GRIN2A: variants seen among roughly 807,000 people sequenced by gnomAD.
The protein encoded by GRIN2A is glutamate receptor ionotropic, NMDA 2A.
GRIN2A carries 22 observed loss-of-function variants against 113.4 expected under a neutral mutation model. The observed-to-expected ratio is 0.19, with a 90% confidence interval of 0.14 to 0.28. The LOEUF (loss-of-function observed/expected upper bound fraction) is 0.28. Ranked by LOEUF, GRIN2A falls within the 10% of genes least tolerant of loss-of-function variation. The probability of loss-of-function intolerance (pLI) is 1.00; values close to 1 mark genes in which losing one functional copy is unlikely to be tolerated. For synonymous variants in GRIN2A, 827 were observed against 738.4 expected (o/e 1.12, Z -1.94); for missense variants, 1,502 against 1,887.0 (o/e 0.80, Z 3.78).
intron 4 of GRIN2A, among the ~76,000 whole-genome samples, chr16:9,857,363 A>G (rs1596504271): frequency 6.6e-6 from 1 of 152,244 alleles, no homozygotes; most frequent in African/African-American, 2.4e-5. Context: ...GGTGTTAATA[A>G]TCAGAGAAAC....
At chr16:9,899,913 AT>A (rs1352447276) in intron 3 of GRIN2A, among the ~76,000 whole-genome samples, 3 of 152,218 alleles carry the variant, frequency 2.0e-5, no homozygotes, top group Admixed American at 6.5e-5. Context: ...TTAGAATTCA[AT>A]TTTGTGGCTT....
At chr16:9,821,521 G>A (rs1202297618) in intron 10 of GRIN2A, among the ~76,000 whole-genome samples, 1 of 152,156 alleles carries the variant, frequency 6.6e-6, no homozygotes, top group Non-Finnish European at 1.5e-5. Flanking sequence ...CCATGGAATA[G>A]AATCTAACCT....
chr16:9,844,682 A>C (rs2042741184), intron 5 of GRIN2A, among the ~76,000 whole-genome samples: 1 of 152,194 alleles, frequency 6.6e-6, no homozygotes, highest in Non-Finnish European at 1.5e-5. Context: ...AGCTGTGTCC[A>C]GGTCCTGGGT....
chr16:10,136,601 T>A (rs539438455), intron 2 of GRIN2A, among the ~76,000 whole-genome samples: 55 of 152,374 alleles, frequency 3.6e-4, no homozygotes, highest in Non-Finnish European at 6.9e-4. Flanking sequence ...TATTTTGCTC[T>A]GCATATTCTA....
At chr16:9,798,554 C>T in intron 10 of GRIN2A, 90 bp from the exon 11 acceptor site, 1 of 893,960 alleles carries the variant, frequency 1.1e-6, no homozygotes, top group Non-Finnish European at 1.8e-6. Context: ...AAGCATCCCA[C>T]ACTTTCTTTC....
At chr16:10,075,720 C>T (rs1567280658) in intron 2 of GRIN2A, among the ~76,000 whole-genome samples, 1 of 152,166 alleles carries the variant, frequency 6.6e-6, no homozygotes, top group Non-Finnish European at 1.5e-5. Flanking sequence ...CTTTGACTAA[C>T]ACATTCTGTA....
intron 3 of GRIN2A, among the ~76,000 whole-genome samples, chr16:9,895,018 A>G (rs1041281813): frequency 1.3e-5 from 2 of 152,188 alleles, no homozygotes; most frequent in African/African-American, 4.8e-5. Flanking sequence ...TCCATTAGGC[A>G]TGTTTGAGCA....
chr16:10,055,225 C>A (rs1439900386), intron 2 of GRIN2A, among the ~76,000 whole-genome samples: 1 of 151,486 alleles, frequency 6.6e-6, no homozygotes, highest in Non-Finnish European at 1.5e-5. Flanking sequence ...CATTTATCAG[C>A]TTTAGGTTAG....
At position 9,822,439 on chromosome 16, in the gene GRIN2A, A is replaced by G; in HGVS notation, c.2008-15T>C. 6.4e-7 allele frequency: 1 copy of G among 1,551,304 alleles called. No individual in the cohort carries two copies. Among genetic ancestry groups the G allele is most frequent in the Non-Finnish European group, 8.9e-7 (1 of 1,122,918 alleles). On this transcript the variant is annotated splice_polypyrimidine_tract_variant and intron_variant, in intron 9 of 12. Coordinates refer to ENST00000330684, the MANE Select transcript of GRIN2A (RefSeq NM_001134407.3). Reference sequence around the variant, plus strand: ...GGTCTCTGAAACTGGAGAGAGAACGAGAAAGGAAGAGAGAGAGTAGGAAAA... The same window carrying G: ...GGTCTCTGAAACTGGAGAGAGAACGGGAAAGGAAGAGAGAGAGTAGGAAAA...
chr16:9,886,699 TA>T (rs2043593047), intron 4 of GRIN2A, among the ~76,000 whole-genome samples: 1 of 152,126 alleles, frequency 6.6e-6, no homozygotes, highest in South Asian at 2.1e-4. Flanking sequence ...ATTTGTTGAA[TA>T]AAAAAATGAA....
intron 2 of GRIN2A, among the ~76,000 whole-genome samples, chr16:9,947,356 C>T (rs1319339591): frequency 1.3e-5 from 2 of 152,320 alleles, no homozygotes; most frequent in African/African-American, 2.4e-5. Context: ...CAATAATAAT[C>T]GCTTATCATT....
In GRIN2A at chr16:10,169,244, C is replaced by T. The variant is rs531402764; in HGVS notation, c.414+10754G>A. Among the ~76,000 whole-genome samples, 21 of 152,206 alleles carry T rather than the reference C, an allele frequency of 1.4e-4. No homozygotes were observed. In the South Asian group the frequency reaches 2.5e-3, roughly 18 times the overall value. ...TTCTGCATGCATTGCAATTTTTCAACGTCCATCTTTAGATATCACTCCTCG... is the reference window on the plus strand; with the variant it reads ...TTCTGCATGCATTGCAATTTTTCAATGTCCATCTTTAGATATCACTCCTCG... On this transcript the variant is annotated intron_variant, in intron 2 of 12. Transcript: ENST00000330684.
At position 9,756,121 on chromosome 16, in the gene GRIN2A, T is replaced by A. The variant is rs1596367469; in HGVS notation, c.*7028A>T. 8.8e-6 allele frequency: 2 copies of A among 227,148 alleles called. No individual in the cohort carries two copies. The highest frequency in any genetic ancestry group is 1.3e-4 in the East Asian group (2 of 15,920). 14.1% of individuals were successfully genotyped at this position (227,148 alleles called of 1,614,324 possible). On this transcript the variant is annotated 3_prime_UTR_variant, in exon 13 of 13. Coordinates refer to ENST00000330684, the MANE Select transcript of GRIN2A (RefSeq NM_001134407.3). Reference sequence around the variant, plus strand: ...AGGAGGACTTTAATGGAGGGTCACATGGCTGTGTGTGTGTGTGTGCATACC... The same window carrying A: ...AGGAGGACTTTAATGGAGGGTCACAAGGCTGTGTGTGTGTGTGTGCATACC...
intron 2 of GRIN2A, among the ~76,000 whole-genome samples, chr16:10,024,507 C>T (rs1308461650): frequency 3.3e-5 from 5 of 152,200 alleles, no homozygotes; most frequent in East Asian, 1.9e-4. Context: ...CGTGAGCCAA[C>T]GTGCCCAGCC....
chr16:9,972,674 A>C (rs2045695701), intron 2 of GRIN2A, among the ~76,000 whole-genome samples: 1 of 152,258 alleles, frequency 6.6e-6, no homozygotes, highest in Non-Finnish European at 1.5e-5. Context: ...GGAGTCAGAG[A>C]GCTTGAAGAT....
At chr16:9,956,634 A>G (rs2045317984) in intron 2 of GRIN2A, among the ~76,000 whole-genome samples, 1 of 152,260 alleles carries the variant, frequency 6.6e-6, no homozygotes. Context: ...CAAAGAGCTT[A>G]TGATCCAGAT....
intron 2 of GRIN2A, among the ~76,000 whole-genome samples, chr16:10,057,403 C>A (rs775560761): frequency 6.6e-6 from 1 of 152,102 alleles, no homozygotes; most frequent in African/African-American, 2.4e-5. Flanking sequence ...TGTTCTGGGG[C>A]CTCCACTAGA....
intron 3 of GRIN2A, among the ~76,000 whole-genome samples, chr16:9,895,848 G>A (rs1285640190): frequency 6.6e-6 from 1 of 152,196 alleles, no homozygotes; most frequent in Non-Finnish European, 1.5e-5. Context: ...TGGGGTGAAT[G>A]TAGTTCAGGT....
chr16:9,898,054 C>CTTTTT (rs71402414), intron 3 of GRIN2A, among the ~76,000 whole-genome samples: 7 of 109,710 alleles, frequency 6.4e-5, no homozygotes, highest in South Asian at 6.4e-4. Flanking sequence ...CCTCCATTTC[C>CTTTTT]TTTTTTTTTT....
Sources: allele counts gnomAD v4.1 joint callset (sites outside exome capture counted in the v4.1 genomes callset), GRCh38; gene constraint gnomAD v4.1.1; transcripts MANE v1.5; gene names NCBI Gene and HGNC (gene_info 2026-07-23, HGNC 2026-07-21).